The following PDZD2 variants were observed in gnomAD, a reference collection of about 807,000 sequenced individuals.
PDZD2 encodes PDZ domain containing 2.
In PDZD2, 90 loss-of-function variants were observed where a neutral mutation model predicts 220.7. The ratio of observed to expected loss-of-function variants is 0.41; its 90% CI spans 0.34 to 0.49. PDZD2 has a LOEUF of 0.49. Ranked by LOEUF, PDZD2 falls within the 20% of genes least tolerant of loss-of-function variation. PDZD2 has a pLI of 0.28. For missense variants in PDZD2, 3,174 were observed against 3,608.5 expected, an observed-to-expected ratio of 0.88 and a Z score of 3.08; for synonymous variants, 1,375 against 1,450.5, an observed-to-expected ratio of 0.95 and a Z score of 1.18.
chr5:32,053,671 A>G, intron 9 of PDZD2, 98 bp from the exon 10 acceptor site: 1 of 757,962 alleles, frequency 1.3e-6, no homozygotes, highest in East Asian at 2.5e-5. Flanking sequence ...TAAATACTAC[A>G]ATGGGACAGA....
intron 19 of PDZD2, among the ~76,000 whole-genome samples, chr5:32,085,310 A>T: frequency 6.7e-6 from 1 of 148,782 alleles, no homozygotes; most frequent in African/African-American, 2.6e-5. Flanking sequence ...ACAAAGTGGT[A>T]CTTCAGTACA....
chr5:31,971,643 C>T (rs1169086362), intron 2 of PDZD2, among the ~76,000 whole-genome samples: 2 of 152,194 alleles, frequency 1.3e-5, no homozygotes, highest in Admixed American at 6.5e-5. Context: ...GCCACCTTTT[C>T]CCTCACTGGA....
intron 2 of PDZD2, among the ~76,000 whole-genome samples, chr5:31,880,502 T>C (rs980896773): frequency 6.6e-6 from 1 of 152,230 alleles, no homozygotes; most frequent in African/African-American, 2.4e-5. Context: ...GTTTTCTCTT[T>C]CTTGCTTTTC....
intron 1 of PDZD2, among the ~76,000 whole-genome samples, chr5:31,654,019 T>C (rs1171698477): frequency 1.3e-5 from 2 of 152,072 alleles, no homozygotes; most frequent in African/African-American, 4.8e-5. Context: ...CTCCTGACCT[T>C]GTGATACGCC....
chr5:31,797,833 T>G (rs561370574), intron 1 of PDZD2, among the ~76,000 whole-genome samples: 207 of 152,310 alleles, frequency 1.4e-3, no homozygotes, highest in Middle Eastern at 3.4e-3. Context: ...GCATTATTGT[T>G]CCTTGTTAAA....
At chr5:31,866,264 G>C (rs997445452) in intron 2 of PDZD2, among the ~76,000 whole-genome samples, 5 of 152,068 alleles carry the variant, frequency 3.3e-5, no homozygotes, top group African/African-American at 1.2e-4. Context: ...CTCTGAAATT[G>C]TTGGGATTAC....
chr5:32,032,362 C>T (rs1755189779), intron 6 of PDZD2, among the ~76,000 whole-genome samples: 1 of 152,162 alleles, frequency 6.6e-6, no homozygotes, highest in East Asian at 1.9e-4. Flanking sequence ...TGAGAATCTG[C>T]CTCGGAATCA....
intron 14 of PDZD2, among the ~76,000 whole-genome samples, chr5:32,068,510 G>A (rs1740425748): frequency 6.6e-6 from 1 of 152,158 alleles, no homozygotes; most frequent in Admixed American, 6.5e-5. Context: ...ATGCTAATTT[G>A]CATTGTGGAG....
intron 2 of PDZD2, among the ~76,000 whole-genome samples, chr5:31,811,991 A>AAAT (rs1755141614): frequency 7.2e-6 from 1 of 138,788 alleles, no homozygotes; most frequent in Non-Finnish European, 1.6e-5. Flanking sequence ...CTCTGTCTCA[A>AAAT]AAATAAATAA....
intron 5 of PDZD2, among the ~76,000 whole-genome samples, chr5:32,006,681 C>CTTTTT (rs76703572): frequency 2.6e-5 from 3 of 116,630 alleles, no homozygotes; most frequent in African/African-American, 8.5e-5. Context: ...GGCTCAACAC[C>CTTTTT]TTTTTTTTTT....
At chr5:32,014,437 GAA>G (rs1038176215) in intron 6 of PDZD2, among the ~76,000 whole-genome samples, 1 of 152,130 alleles carries the variant, frequency 6.6e-6, no homozygotes, top group Admixed American at 6.5e-5. Context: ...AGAAGCCAGT[GAA>G]AAAGAGAATG....
chr5:31,995,137 G>A (rs941690071), intron 3 of PDZD2, among the ~76,000 whole-genome samples: 5 of 152,166 alleles, frequency 3.3e-5, no homozygotes, highest in African/African-American at 1.2e-4. Context: ...GTGCACAGTG[G>A]CATCCGGGTT....
intron 2 of PDZD2, among the ~76,000 whole-genome samples, chr5:31,901,603 A>C (rs1369862103): frequency 6.6e-6 from 1 of 152,080 alleles, no homozygotes; most frequent in African/African-American, 2.4e-5. Context: ...TTTTTAAAAA[A>C]CGGTTTTATT....
At chr5:31,841,650 C>T (rs931738347) in intron 2 of PDZD2, among the ~76,000 whole-genome samples, 4 of 144,958 alleles carry the variant, frequency 2.8e-5, no homozygotes, top group East Asian at 2.1e-4. Context: ...TCCAGCCTGG[C>T]GACAGAGTGA....
At chr5:31,848,343 A>C (rs115210232) in intron 2 of PDZD2, among the ~76,000 whole-genome samples, 11,782 of 152,264 alleles carry the variant, frequency 0.077, 561 homozygotes, top group Middle Eastern at 0.14. Context: ...TCCACAGTCA[A>C]ACCTACTATA....
Position 32,048,629 on chromosome 5 carries a change from G to A in PDZD2, c.1610G>A (p.Arg537Gln), listed in dbSNP as rs746903747. 49 of 1,613,998 alleles carry A rather than the reference G, an allele frequency of 3.0e-5. No homozygotes were observed. The highest frequency in any genetic ancestry group is 5.5e-5 in the South Asian group (5 of 91,076). Residue 537 changes from arginine to glutamine, a missense_variant, in exon 8 of 25, where the codon CGA becomes CAA. Coordinates refer to ENST00000438447, the MANE Select transcript of PDZD2 (RefSeq NM_178140.4). ...DPRIRMLEVS[R>Q]DGRKHSLPQL... ...CGGATCCGGATGTTGGAGGTCTCCC[G>A]AGATGGCCGGAAACACTCCCTCCCG...
Position 32,091,067 on chromosome 5 carries a change from G to A in PDZD2, c.7619G>A (p.Cys2540Tyr). 2 of 1,612,138 alleles carry A rather than the reference G, an allele frequency of 1.2e-6. No individual in the cohort carries two copies. Among genetic ancestry groups the A allele is most frequent in the African/African-American group, 1.3e-5 (1 of 74,986 alleles). The change falls in exon 20 of 25, where the codon TGT becomes TAT. Residue 2540 changes from cysteine to tyrosine, a missense_variant. Coordinates refer to ENST00000438447, the MANE Select transcript of PDZD2 (RefSeq NM_178140.4). Reference sequence around the variant, plus strand: ...CCCGAGAAGGGCGGGAACAGGGCCTGTCCAGGAGGAAGTGGCCCTAAAACC... The same window carrying A: ...CCCGAGAAGGGCGGGAACAGGGCCTATCCAGGAGGAAGTGGCCCTAAAACC... Reference protein sequence around the residue: ...SCPEKGGNRACPGGSGPKTSA... With the variant: ...SCPEKGGNRAYPGGSGPKTSA...
intron 6 of PDZD2, among the ~76,000 whole-genome samples, chr5:32,020,350 A>G (rs1026673629): frequency 8.7e-6 from 1 of 115,084 alleles, no homozygotes; most frequent in Non-Finnish European, 2.2e-5. Flanking sequence ...CTGTTCAGAA[A>G]TGAAACTGAA....
intron 1 of PDZD2, among the ~76,000 whole-genome samples, chr5:31,788,708 T>C (rs1753530503): frequency 1.1e-5 from 1 of 90,768 alleles, no homozygotes; most frequent in African/African-American, 4.1e-5. Context: ...AAATTAGCTC[T>C]CCCAAAACCT....
Sources: allele counts gnomAD v4.1 joint callset (sites outside exome capture counted in the v4.1 genomes callset), GRCh38; gene constraint gnomAD v4.1.1; transcripts MANE v1.5; gene names NCBI Gene and HGNC (gene_info 2026-07-23, HGNC 2026-07-21).